CCSER1: variants seen among roughly 807,000 people sequenced by gnomAD.
CCSER1 encodes coiled-coil serine rich protein 1.
A neutral mutation model predicts 82.0 loss-of-function variants in CCSER1; 41 were observed. The observed-to-expected ratio is 0.50, with a 90% CI of 0.39 to 0.65. The LOEUF (loss-of-function observed/expected upper bound fraction) is 0.65. Ranked by LOEUF, CCSER1 falls within the 30% of genes least tolerant of loss-of-function variation. The pLI is 0.00. For synonymous variants in CCSER1, 414 were observed against 383.9 expected (o/e 1.08, Z -0.92); for missense variants, 1,119 against 1,064.2 (o/e 1.05, Z -0.72).
chr4:91,600,223 TTATAA>T lies in CCSER1; in HGVS notation c.*1170_*1174del, dbSNP rs1460238173. On this transcript the variant is annotated 3_prime_UTR_variant, in exon 11 of 11. Transcript: ENST00000509176. ...CTTTGACAAATAAGGCCCAAATATG[TTATAA>T]TATGTTATATACTTATGTGCACTTT... is the stretch of plus-strand genomic sequence containing the variant. 12 of 152,276 alleles carry T rather than the reference TTATAA, an allele frequency of 7.9e-5. No individual in the cohort carries two copies. Among genetic ancestry groups the T allele is most frequent in the South Asian group, 4.1e-4 (2 of 4,830 alleles). 9.4% of individuals were successfully genotyped at this position (152,276 alleles called of 1,614,324 possible).
chr4:90,298,887 G>T (rs888644876), intron 1 of CCSER1, among the ~76,000 whole-genome samples: 4 of 152,018 alleles, frequency 2.6e-5, no homozygotes, highest in African/African-American at 9.7e-5. Context: ...ACATAAATAT[G>T]CCTCTTATTA....
At chr4:90,269,089 A>G (rs931026634) in intron 1 of CCSER1, among the ~76,000 whole-genome samples, 1 of 152,154 alleles carries the variant, frequency 6.6e-6, no homozygotes, top group Non-Finnish European at 1.5e-5. Context: ...TCAATACAAT[A>G]GCTGGAGACT....
intron 10 of CCSER1, among the ~76,000 whole-genome samples, chr4:91,210,696 A>C (rs940171152): frequency 6.6e-6 from 1 of 151,926 alleles, no homozygotes; most frequent in African/African-American, 2.4e-5. Context: ...GATCTACTGT[A>C]GATTGAAGAA....
Position 90,438,544 on chromosome 4 carries a change from A to G in CCSER1, c.1604-29690A>G, listed in dbSNP as rs987576463. On this transcript the variant is annotated intron_variant, in intron 4 of 10. Coordinates refer to ENST00000509176, the MANE Select transcript of CCSER1 (RefSeq NM_001145065.2). Reference sequence around the variant, plus strand: ...TAGTACTATAGTAGGGCAATAATGAAAAGAGACAAATTTAGAAAAAGTAAA... The same window carrying G: ...TAGTACTATAGTAGGGCAATAATGAGAAGAGACAAATTTAGAAAAAGTAAA... Among the ~76,000 whole-genome samples the G allele has an allele frequency of 2.6e-5, 4 of 152,198 alleles. No homozygotes were observed. In the East Asian group the frequency reaches 7.7e-4, roughly 29 times the overall value.
At chr4:90,213,587 T>A (rs1050608599) in intron 1 of CCSER1, among the ~76,000 whole-genome samples, 1 of 151,256 alleles carries the variant, frequency 6.6e-6, no homozygotes, top group Admixed American at 6.6e-5. Flanking sequence ...CTCTGAGGAG[T>A]GTGCACTTGT....
chr4:91,071,482 A>G (rs939565085), intron 9 of CCSER1, among the ~76,000 whole-genome samples: 5 of 152,146 alleles, frequency 3.3e-5, no homozygotes, highest in Middle Eastern at 3.2e-3. Flanking sequence ...CCAAAGGCCT[A>G]TGGTGGAAGA....
At chr4:90,327,958 C>T (rs1738530243) in intron 3 of CCSER1, among the ~76,000 whole-genome samples, 1 of 152,128 alleles carries the variant, frequency 6.6e-6, no homozygotes, top group South Asian at 2.1e-4. Flanking sequence ...TGCGAAATCT[C>T]CTGTGGTTAT....
At chr4:90,314,457 T>A (rs1357434518) in intron 3 of CCSER1, among the ~76,000 whole-genome samples, 2 of 152,156 alleles carry the variant, frequency 1.3e-5, no homozygotes, top group Non-Finnish European at 2.9e-5. Context: ...ATTAATAGGG[T>A]TACACTATTC....
At chr4:90,873,611 C>T (rs2150041284) in intron 8 of CCSER1, among the ~76,000 whole-genome samples, 1 of 152,150 alleles carries the variant, frequency 6.6e-6, no homozygotes, top group South Asian at 2.1e-4. Context: ...TTATGAGGCA[C>T]ATGATTGGTT....
At chr4:91,021,364 C>T (rs1739948106) in intron 9 of CCSER1, among the ~76,000 whole-genome samples, 1 of 151,990 alleles carries the variant, frequency 6.6e-6, no homozygotes, top group Non-Finnish European at 1.5e-5. Context: ...TTAGAAATGA[C>T]AGACTTTGTA....
rs1433788296 is a variant in CCSER1 at position 90,781,621 on chromosome 4, A to C, written c.2011-34141A>C. On this transcript the variant is annotated intron_variant, in intron 7 of 10. Coordinates refer to ENST00000509176, the MANE Select transcript of CCSER1 (RefSeq NM_001145065.2). ...TTGAAAACAATAAGGTGTTTTTAAT[A>C]CTTTTTTTCTGTGTTCTCTTGAAAG... 3 of 974,106 alleles carry C rather than the reference A, an allele frequency of 3.1e-6. No individual in the cohort carries two copies. The African/African-American group carries it at 5.3e-5, about 17-fold the overall frequency. The allele number at this position is 974,106 out of a possible 1,614,324, so 60.3% of individuals were successfully genotyped here.
chr4:90,220,009 A>G (rs1004606846), intron 1 of CCSER1, among the ~76,000 whole-genome samples: 1 of 152,192 alleles, frequency 6.6e-6, no homozygotes, highest in Non-Finnish European at 1.5e-5. Context: ...TTCGATTTCT[A>G]TGATTTCAGT....
chr4:90,187,452 A>G lies in CCSER1; in HGVS notation c.-42+59621A>G, dbSNP rs182004586. Among the ~76,000 whole-genome samples the G allele has an allele frequency of 1.7e-4, 26 of 151,206 alleles. No individual in the cohort carries two copies. The East Asian group carries it at 4.9e-3, about 28-fold the overall frequency. Reference sequence around the variant, plus strand: ...CGGATTTCACTCACACACACACACAAACTCAATTCTGTATCCACTAAACAC... The same window carrying G: ...CGGATTTCACTCACACACACACACAGACTCAATTCTGTATCCACTAAACAC... On this transcript the variant is annotated intron_variant, in intron 1 of 10. Transcript: ENST00000509176.
intron 4 of CCSER1, among the ~76,000 whole-genome samples, chr4:90,417,134 G>A (rs924761555): frequency 2.6e-5 from 4 of 152,122 alleles, no homozygotes; most frequent in African/African-American, 7.2e-5. Context: ...GTTGATAGGT[G>A]CAGCAAACCA....
chr4:90,631,118 C>G (rs1451124851), intron 6 of CCSER1, among the ~76,000 whole-genome samples: 2 of 152,002 alleles, frequency 1.3e-5, no homozygotes, highest in East Asian at 3.9e-4. Flanking sequence ...TGGTCTTGAT[C>G]TCATGACCTC....
At chr4:90,210,485 C>T (rs1739769371) in intron 1 of CCSER1, among the ~76,000 whole-genome samples, 2 of 150,410 alleles carry the variant, frequency 1.3e-5, no homozygotes, top group Middle Eastern at 3.5e-3. Context: ...ACTCTGTTGC[C>T]CAGGCTGAAG....
At chr4:90,796,823 TTTGA>T (rs1756106075) in intron 7 of CCSER1, among the ~76,000 whole-genome samples, 1 of 152,220 alleles carries the variant, frequency 6.6e-6, no homozygotes, top group South Asian at 2.1e-4. Context: ...TGACTACTAA[TTTGA>T]TTGTACTGTG....
At chr4:90,385,731 G>C (rs1243881714) in intron 3 of CCSER1, among the ~76,000 whole-genome samples, 1 of 151,926 alleles carries the variant, frequency 6.6e-6, no homozygotes, top group African/African-American at 2.4e-5. Context: ...GCATTTCCCT[G>C]ATGGTTAGTG....
At chr4:90,770,246 C>T (rs1751866740) in intron 7 of CCSER1, among the ~76,000 whole-genome samples, 1 of 152,162 alleles carries the variant, frequency 6.6e-6, no homozygotes, top group African/African-American at 2.4e-5. Context: ...CCAGCTAAGC[C>T]ATACCCAAAT....
Sources: allele counts gnomAD v4.1 joint callset (sites outside exome capture counted in the v4.1 genomes callset), GRCh38; gene constraint gnomAD v4.1.1; transcripts MANE v1.5; gene names NCBI Gene and HGNC (gene_info 2026-07-23, HGNC 2026-07-21).